The following TMEM132D variants were observed in gnomAD, a reference collection of about 807,000 sequenced individuals.
The protein encoded by TMEM132D is transmembrane protein 132D.
Under a neutral mutation model 62.3 loss-of-function variants are expected in TMEM132D, and 21 were observed. The observed-to-expected ratio is 0.34, with a 90% CI of 0.24 to 0.49. The LOEUF is 0.49. TMEM132D is among the 20% of genes least tolerant of loss of function. TMEM132D has a pLI of 0.99. For synonymous variants in TMEM132D, 621 were observed against 575.6 expected, an observed-to-expected ratio of 1.08 and a Z score of -1.13; for missense variants, 1,346 against 1,402.8, an observed-to-expected ratio of 0.96 and a Z score of 0.65.
chr12:129,822,833 C>T (rs551617887), intron 1 of TMEM132D, among the ~76,000 whole-genome samples: 18 of 152,284 alleles, frequency 1.2e-4, no homozygotes, highest in African/African-American at 4.3e-4. Flanking sequence ...CCTGGTCTTG[C>T]CCTTGACATT....
intron 2 of TMEM132D, among the ~76,000 whole-genome samples, chr12:129,665,216 G>T (rs1472345519): frequency 6.6e-6 from 1 of 152,002 alleles, no homozygotes; most frequent in Non-Finnish European, 1.5e-5. Context: ...CATCTTGGGG[G>T]TGGCAATTTC....
At chr12:129,356,147 ATTTTTTTTTTTT>A (rs35842499) in intron 3 of TMEM132D, among the ~76,000 whole-genome samples, 1 of 36,562 alleles carries the variant, frequency 2.7e-5, no homozygotes, top group East Asian at 6.4e-4. Flanking sequence ...AACTGAAGGG[ATTTTTTTTTTTT>A]TTTTTTTTTT....
intron 1 of TMEM132D, among the ~76,000 whole-genome samples, chr12:129,725,618 A>G (rs1869005086): frequency 6.6e-6 from 1 of 152,244 alleles, no homozygotes; most frequent in Non-Finnish European, 1.5e-5. Context: ...ATAGTTTCAC[A>G]GTGTACGTAT....
intron 5 of TMEM132D, among the ~76,000 whole-genome samples, chr12:129,180,725 C>A (rs1297878335): frequency 2.0e-5 from 3 of 152,184 alleles, no homozygotes; most frequent in Admixed American, 2.0e-4. Context: ...CAGGAAGAAC[C>A]TTCCAGACAG....
At chr12:129,749,794 C>G (rs1869941079) in intron 1 of TMEM132D, among the ~76,000 whole-genome samples, 2 of 152,036 alleles carry the variant, frequency 1.3e-5, no homozygotes, top group Admixed American at 1.3e-4. Flanking sequence ...GGTGAAACTT[C>G]CTTCAAGAAA....
intron 2 of TMEM132D, among the ~76,000 whole-genome samples, chr12:129,642,864 C>T (rs1879674544): frequency 6.6e-6 from 1 of 151,220 alleles, no homozygotes; most frequent in African/African-American, 2.4e-5. Flanking sequence ...AAACGTTAAA[C>T]ACATTCTGAC....
intron 4 of TMEM132D, among the ~76,000 whole-genome samples, chr12:129,229,936 T>C (rs1039860484): frequency 2.0e-5 from 3 of 152,216 alleles, no homozygotes; most frequent in African/African-American, 7.2e-5. Context: ...TGGAATACAT[T>C]AAGTGCATTT....
chr12:129,473,334 T>TTG lies in TMEM132D; in HGVS notation c.1115+57724_1115+57725insCA, dbSNP rs1380616129. On this transcript the variant is annotated intron_variant, in intron 3 of 8. Coordinates refer to ENST00000422113, the MANE Select transcript of TMEM132D (RefSeq NM_133448.3). ...GTGATTTTAGTTTTTGTTTTTTTTT[T>TTG]TTTTTTTTTTTTGAGACCAAGTCTT... Among the ~76,000 whole-genome samples, 3 of 137,968 alleles carry TTG rather than the reference T, an allele frequency of 2.2e-5. No homozygotes were observed. The Admixed American group carries it at 2.2e-4, about 10-fold the overall frequency. 90.5% of individuals were successfully genotyped at this position (137,968 alleles called of 152,430 possible). A position where few individuals can be genotyped will look rare whatever the true frequency, so the allele number is the denominator to read the frequency against.
chr12:129,895,737 T>C (rs1024484201), intron 1 of TMEM132D, among the ~76,000 whole-genome samples: 1 of 152,138 alleles, frequency 6.6e-6, no homozygotes, highest in Admixed American at 6.5e-5. Context: ...TAATTTGTCA[T>C]TGGAGTGACG....
rs111992925 is a variant in TMEM132D, at chr12:129,234,784, T to C, written c.1300-25121A>G. Among the ~76,000 whole-genome samples the C allele has an allele frequency of 7.4e-3, 1,131 of 152,242 alleles. 16 individuals carry two copies. The highest frequency in any genetic ancestry group is 0.025 in the African/African-American group (1,048 of 41,530). On this transcript the variant is annotated intron_variant, in intron 4 of 8. Coordinates refer to ENST00000422113, the MANE Select transcript of TMEM132D (RefSeq NM_133448.3). The stretch of plus-strand genomic sequence containing the variant: ...TATAAGTACTATTATTGTGGGAGAG[T>C]ATAATGATTTTCATTCACAAAGGCA...
chr12:129,385,130 T>C (rs1871074560), intron 3 of TMEM132D, among the ~76,000 whole-genome samples: 1 of 146,064 alleles, frequency 6.8e-6, no homozygotes, highest in East Asian at 2.0e-4. Flanking sequence ...GTTTTGCTCT[T>C]GTCACCCAGG....
chr12:129,756,195 G>T (rs987394725), intron 1 of TMEM132D, among the ~76,000 whole-genome samples: 2 of 152,068 alleles, frequency 1.3e-5, no homozygotes, highest in Non-Finnish European at 2.9e-5. Flanking sequence ...AGGTTCCGGG[G>T]GTCTTCTGCT....
At chr12:129,533,196 T>C (rs1876278355) in intron 2 of TMEM132D, among the ~76,000 whole-genome samples, 1 of 152,196 alleles carries the variant, frequency 6.6e-6, no homozygotes, top group Non-Finnish European at 1.5e-5. Flanking sequence ...TTTGATGTTT[T>C]AAATAATCAT....
At chr12:129,188,824 G>A (rs2135554915) in intron 5 of TMEM132D, among the ~76,000 whole-genome samples, 1 of 150,912 alleles carries the variant, frequency 6.6e-6, no homozygotes, top group South Asian at 2.1e-4. Context: ...CAGCTTTTAT[G>A]AGCTTAATCA....
At chr12:129,859,365 C>G (rs1016525201) in intron 1 of TMEM132D, among the ~76,000 whole-genome samples, 9 of 152,110 alleles carry the variant, frequency 5.9e-5, no homozygotes, top group African/African-American at 2.2e-4. Context: ...ACTTTTGCAC[C>G]AACATACTCG....
intron 5 of TMEM132D, among the ~76,000 whole-genome samples, chr12:129,122,025 C>T (rs1876081400): frequency 3.3e-5 from 5 of 152,290 alleles, no homozygotes; most frequent in Admixed American, 3.3e-4. Context: ...TGGCCCTGTT[C>T]TTCCGAGGCA....
intron 5 of TMEM132D, among the ~76,000 whole-genome samples, chr12:129,185,554 A>C (rs1878195817): frequency 6.6e-6 from 1 of 151,568 alleles, no homozygotes. Context: ...ATTTTATTTT[A>C]ATTTTATTAT....
intron 5 of TMEM132D, among the ~76,000 whole-genome samples, chr12:129,173,132 A>C (rs757517604): frequency 6.6e-6 from 1 of 152,216 alleles, no homozygotes; most frequent in Non-Finnish European, 1.5e-5. Context: ...CAAATGTGAC[A>C]CAGAGACATG....
At chr12:129,356,696 A>AT (rs1292509215) in intron 3 of TMEM132D, among the ~76,000 whole-genome samples, 3 of 149,552 alleles carry the variant, frequency 2.0e-5, no homozygotes, top group African/African-American at 7.3e-5. Flanking sequence ...AAATAAATAA[A>AT]TAAAATAAAA....
Sources: allele counts gnomAD v4.1 joint callset (sites outside exome capture counted in the v4.1 genomes callset), GRCh38; gene constraint gnomAD v4.1.1; transcripts MANE v1.5; gene names NCBI Gene and HGNC (gene_info 2026-07-23, HGNC 2026-07-21).